Variants in TGM5 observed in about 807,000 individuals in gnomAD.
The protein encoded by TGM5 is transglutaminase 5.
Under a neutral mutation model 77.2 loss-of-function variants are expected in TGM5, and 69 were observed. The ratio of observed to expected loss-of-function variants is 0.89; its 90% CI spans 0.74 to 1.09. The LOEUF (loss-of-function observed/expected upper bound fraction) is 1.09, where lower values mean the gene tolerates loss of function less well. Ranked by LOEUF, TGM5 falls within the 50% of genes least tolerant of loss-of-function variation. TGM5 has a pLI of 0.00. For missense variants in TGM5, 842 were observed against 896.5 expected, an observed-to-expected ratio of 0.94 and a Z score of 0.78; for synonymous variants, 346 against 351.8, an observed-to-expected ratio of 0.98 and a Z score of 0.18.
chr15:43,238,846 T>C lies in TGM5; in HGVS notation c.1316A>G (p.Asp439Gly), dbSNP rs754853779. The C allele has an allele frequency of 6.2e-7, 1 of 1,614,174 alleles. No homozygotes were observed. Among genetic ancestry groups the C allele is most frequent in the Non-Finnish European group, 8.5e-7 (1 of 1,180,024 alleles). The change falls in exon 9 of 13, where the codon GAC (aspartate) becomes GGC (glycine). Residue 439 changes from aspartate (D) to glycine (G), a missense_variant. This residue lies in a region of TGM5 where 815 missense variants were observed against 844.6 expected (regional missense o/e 0.96). Transcript: ENST00000220420. ...TTCATACTTGTAGTTCTCTGTGATG[T>C]CATCCCGCTCGTCACTCTGGATGCT... ...TKSIQSDERD[D>G]ITENYKYEEG...
intron 9 of TGM5, 65 bp downstream of exon 9, chr15:43,238,752 T>A (rs2042609260): frequency 3.1e-6 from 5 of 1,595,822 alleles, no homozygotes; most frequent in Non-Finnish European, 4.3e-6. Flanking sequence ...GCTCTCTGGC[T>A]CCCTGGGGTA....
intron 9 of TGM5, among the ~76,000 whole-genome samples, chr15:43,236,595 T>A (rs2042592083): frequency 6.6e-6 from 1 of 152,194 alleles, no homozygotes; most frequent in Non-Finnish European, 1.5e-5. Context: ...CAGAGGCCAC[T>A]TTTATCCCCT....
chr15:43,236,138 C>T (rs1368029091), intron 9 of TGM5, among the ~76,000 whole-genome samples: 2 of 152,164 alleles, frequency 1.3e-5, no homozygotes, highest in Non-Finnish European at 2.9e-5. Context: ...GCCCAAGTCA[C>T]ACAACTAGTA....
intron 3 of TGM5, among the ~76,000 whole-genome samples, chr15:43,259,443 T>C (rs2042768815): frequency 6.6e-6 from 1 of 151,180 alleles, no homozygotes; most frequent in South Asian, 2.1e-4. Flanking sequence ...CAAAGTTGAA[T>C]TGTTAAATTA....
chr15:43,266,923 CAG>C lies in TGM5; in HGVS notation c.-76_-75del. On this transcript the variant is annotated 5_prime_UTR_variant, in exon 1 of 13. Coordinates refer to ENST00000220420, the MANE Select transcript of TGM5 (RefSeq NM_201631.4). Reference sequence around the variant, plus strand: ...GTCTGGAGCTTCAGCAAACTGGTGCCAGAGTGTCTACTTCCCCTTCCATTGGA... The same window carrying C: ...GTCTGGAGCTTCAGCAAACTGGTGCCAGTGTCTACTTCCCCTTCCATTGGA... The C allele has an allele frequency of 3.1e-6, 5 of 1,598,822 alleles. No homozygotes were observed. Among genetic ancestry groups the C allele is most frequent in the Non-Finnish European group, 4.3e-6 (5 of 1,168,350 alleles).
intron 5 of TGM5, among the ~76,000 whole-genome samples, chr15:43,253,252 A>G (rs1381478676): frequency 6.6e-6 from 1 of 152,230 alleles, no homozygotes; most frequent in Non-Finnish European, 1.5e-5. Flanking sequence ...AGAAACAACA[A>G]GACCATTTCC....
At chr15:43,241,995 G>A (rs909845706) in intron 6 of TGM5, among the ~76,000 whole-genome samples, 1 of 152,106 alleles carries the variant, frequency 6.6e-6, no homozygotes, top group Non-Finnish European at 1.5e-5. Context: ...GGGGATTCCT[G>A]TCCCTTCATG....
chr15:43,233,783 C>T, intron 11 of TGM5, 96 bp from the exon 12 acceptor site: 2 of 1,445,542 alleles, frequency 1.4e-6, no homozygotes, highest in East Asian at 2.4e-5. Context: ...CAGGATATGC[C>T]ACCTCCAAAT....
Position 43,238,867 on chromosome 15 carries a change from A to G in TGM5, c.1295T>C (p.Ile432Thr). 7 of 1,614,086 alleles carry G rather than the reference A, an allele frequency of 4.3e-6. No homozygotes were observed. Among genetic ancestry groups the G allele is most frequent in the Non-Finnish European group, 5.9e-6 (7 of 1,180,012 alleles). ...GATGTCATCCCGCTCGTCACTCTGG[A>G]TGCTCTTTGTGCTGATAAAATTGCC... Reference protein sequence around the residue: ...SVGNFISTKSIQSDERDDITE... With the variant: ...SVGNFISTKSTQSDERDDITE... The change falls in exon 9 of 13, where the codon ATC becomes ACC. Residue 432 changes from isoleucine to threonine, a missense_variant. Ile to Thr is a moderately conservative substitution (Grantham distance 89, BLOSUM62 -1). This residue lies in a region of TGM5 where 815 missense variants were observed against 844.6 expected (regional missense o/e 0.96). Coordinates refer to ENST00000220420, the MANE Select transcript of TGM5 (RefSeq NM_201631.4).
At chr15:43,265,108 C>T (rs188809949) in intron 1 of TGM5, among the ~76,000 whole-genome samples, 69 of 152,328 alleles carry the variant, frequency 4.5e-4, no homozygotes, top group Non-Finnish European at 8.5e-4. Flanking sequence ...GGACAGTTAT[C>T]TCATTTAATC....
chr15:43,256,628 A>G lies in TGM5; in HGVS notation c.495T>C (p.Tyr165=). The stretch of plus-strand genomic sequence containing the variant: ...TCTTGCTGCCTTGGTAGATGAAGCC[A>G]TAATCATTCATGACATACTCCTGCC... The part of the protein sequence containing the change: ...PQRQEYVMND[Y]GFIYQGSKNW... Residue 165 remains tyrosine, a synonymous_variant, in exon 4 of 13, where the codon TAT becomes TAC. Transcript: ENST00000220420. 5 of 1,614,206 alleles carry G rather than the reference A, an allele frequency of 3.1e-6. No individual in the cohort carries two copies. The highest frequency in any genetic ancestry group is 4.2e-6 in the Non-Finnish European group (5 of 1,180,036).
At chr15:43,258,432 C>CA (rs2042759322) in intron 3 of TGM5, among the ~76,000 whole-genome samples, 1 of 152,142 alleles carries the variant, frequency 6.6e-6, no homozygotes, top group Non-Finnish European at 1.5e-5. Flanking sequence ...AACAAACAAA[C>CA]AAAAGGCCAT....
chr15:43,259,350 G>A (rs1483456407), intron 3 of TGM5, among the ~76,000 whole-genome samples: 3 of 151,002 alleles, frequency 2.0e-5, no homozygotes, highest in African/African-American at 7.3e-5. Flanking sequence ...TGCCCATAGA[G>A]AACTAGTTAA....
In TGM5 at chr15:43,239,040, G is replaced by C. The variant is rs775371115; in HGVS notation, c.1122C>G (p.Gly374=). Residue 374 remains glycine (G), a synonymous_variant, in exon 9 of 13, where the codon GGC becomes GGG. Transcript: ENST00000220420. ...CTTTGATGGCTCTGACAGAGGCAGG[G>C]CCACAGCAGTAGACGCCTGAAGGAG... ...QEMSNGVYCC[G]PASVRAIKEG... The C allele has an allele frequency of 9.9e-6, 16 of 1,613,950 alleles. No homozygotes were observed. The highest frequency in any genetic ancestry group is 1.3e-5 in the African/African-American group (1 of 74,872).
intron 9 of TGM5, among the ~76,000 whole-genome samples, chr15:43,237,707 T>G (rs981867979): frequency 6.6e-4 from 101 of 152,292 alleles, no homozygotes; most frequent in African/African-American, 2.4e-3. Context: ...AGCTTACAGC[T>G]CCTGGCCTGG....
At chr15:43,241,898 C>A (rs908965133) in intron 6 of TGM5, among the ~76,000 whole-genome samples, 1 of 152,104 alleles carries the variant, frequency 6.6e-6, no homozygotes, top group Non-Finnish European at 1.5e-5. Context: ...CCTTGGCCTC[C>A]CAAAGTGCTG....
chr15:43,237,305 G>A (rs540491586), intron 9 of TGM5, among the ~76,000 whole-genome samples: 1 of 152,318 alleles, frequency 6.6e-6, no homozygotes, highest in Admixed American at 6.5e-5. Flanking sequence ...AGCAGACTCA[G>A]CTCATGCATG....
At chr15:43,234,448 C>T (rs1368720350) in intron 11 of TGM5, among the ~76,000 whole-genome samples, 1 of 152,198 alleles carries the variant, frequency 6.6e-6, no homozygotes, top group African/African-American at 2.4e-5. Flanking sequence ...CAGGGCTCTC[C>T]CCCGACCAGA....
chr15:43,237,359 GCCCTCAACT>G (rs1235672202), intron 9 of TGM5, among the ~76,000 whole-genome samples: 1 of 152,230 alleles, frequency 6.6e-6, no homozygotes, highest in Admixed American at 6.5e-5. Context: ...CCCAGGAACA[GCCCTCAACT>G]CATGACCAAC....
Sources: allele counts gnomAD v4.1 joint callset (sites outside exome capture counted in the v4.1 genomes callset), GRCh38; gene constraint gnomAD v4.1.1; regional missense constraint gnomAD v4.1.1; transcripts MANE v1.5; gene names NCBI Gene and HGNC (gene_info 2026-07-23, HGNC 2026-07-21).